The following GALNT13 variants were observed in gnomAD, a reference collection of about 807,000 sequenced individuals.
The protein encoded by GALNT13 is polypeptide N-acetylgalactosaminyltransferase 13.
In GALNT13, 28 loss-of-function variants were observed where a neutral mutation model predicts 64.2. The ratio of observed to expected loss-of-function variants is 0.44; its 90% CI spans 0.32 to 0.60. GALNT13 has a LOEUF of 0.60. GALNT13 is among the 20% of genes least tolerant of loss of function. The pLI, the probability that GALNT13 is intolerant of heterozygous loss-of-function variation, is 0.05. For synonymous variants in GALNT13, 214 were observed against 224.6 expected, an observed-to-expected ratio of 0.95 and a Z score of 0.42; for missense variants, 577 against 669.8, an observed-to-expected ratio of 0.86 and a Z score of 1.53.
chr2:154,022,236 T>A (rs921850086), intron 3 of GALNT13, among the ~76,000 whole-genome samples: 1 of 152,202 alleles, frequency 6.6e-6, no homozygotes, highest in Admixed American at 6.5e-5. Context: ...TTAGGGAGGA[T>A]TCTCTCTTTT....
In GALNT13 at chr2:154,294,759, A is replaced by T. The variant is rs556228648; in HGVS notation, c.976-6650A>T. 2.6e-5 allele frequency among the ~76,000 whole-genome samples: 4 copies of T among 152,312 alleles called. No individual in the cohort carries two copies. In the South Asian group the frequency reaches 8.3e-4, roughly 32 times the overall value. Reference sequence around the variant, plus strand: ...TATGATTGGACAAAAATTAAGTGTGATCTAATGGAATTAAAGGAGGCAGGG... The same window carrying T: ...TATGATTGGACAAAAATTAAGTGTGTTCTAATGGAATTAAAGGAGGCAGGG... On this transcript the variant is annotated intron_variant, in intron 8 of 12. Transcript: ENST00000392825.
At chr2:153,572,810 T>C in the GALNT13 span, among the ~76,000 whole-genome samples, 34,140 of 151,684 alleles carry the variant, frequency 0.23, 4,224 homozygotes, top group Admixed American at 0.37. Flanking sequence ...AGTAGACACT[T>C]GATATTATTT....
the GALNT13 span, among the ~76,000 whole-genome samples, chr2:153,409,330 ATG>A: frequency 6.8e-6 from 1 of 147,222 alleles, no homozygotes; most frequent in Admixed American, 6.8e-5. Context: ...ATATATTCAT[ATG>A]TATATGTATA....
chr2:153,092,455 A>G, the GALNT13 span, among the ~76,000 whole-genome samples: 1 of 152,186 alleles, frequency 6.6e-6, no homozygotes, highest in African/African-American at 2.4e-5. Context: ...AACAAGATTC[A>G]TGCTTCCAAT....
intron 2 of GALNT13, among the ~76,000 whole-genome samples, chr2:153,910,139 A>T (rs1423118443): frequency 6.7e-6 from 1 of 150,318 alleles, no homozygotes; most frequent in African/African-American, 2.5e-5. Context: ...CTGTTCATGG[A>T]TTCAGTTTCT....
At chr2:153,172,066 G>T in the GALNT13 span, 1 of 152,346 alleles carries the variant, frequency 6.6e-6, no homozygotes, top group East Asian at 1.9e-4. Context: ...GGAAGAAAGA[G>T]GCAGAGATGA....
intron 4 of GALNT13, among the ~76,000 whole-genome samples, chr2:154,223,877 A>G (rs1688452100): frequency 6.6e-6 from 1 of 152,126 alleles, no homozygotes; most frequent in African/African-American, 2.4e-5. Flanking sequence ...TTTAGCAATT[A>G]CAACTGAAGC....
At chr2:153,984,609 C>T (rs1180425937) in intron 3 of GALNT13, among the ~76,000 whole-genome samples, 1 of 151,712 alleles carries the variant, frequency 6.6e-6, no homozygotes, top group Non-Finnish European at 1.5e-5. Flanking sequence ...GTGTAATTTA[C>T]AAACAATCAT....
At chr2:153,889,677 C>T (rs552795237) in intron 1 of GALNT13, among the ~76,000 whole-genome samples, 2 of 152,058 alleles carry the variant, frequency 1.3e-5, no homozygotes, top group African/African-American at 4.8e-5. Context: ...TAAAATGCTG[C>T]TACATTTTAA....
At chr2:154,349,784 A>G (rs1696286905) in intron 9 of GALNT13, among the ~76,000 whole-genome samples, 1 of 152,202 alleles carries the variant, frequency 6.6e-6, no homozygotes, top group Non-Finnish European at 1.5e-5. Context: ...ACTGATAAAT[A>G]AGTGCCATTC....
the GALNT13 span, among the ~76,000 whole-genome samples, chr2:153,772,342 A>G: frequency 3.3e-5 from 5 of 152,080 alleles, no homozygotes; most frequent in Non-Finnish European, 7.4e-5. Context: ...TGTCTCCTCA[A>G]GTTTTCTCCA....
the GALNT13 span, among the ~76,000 whole-genome samples, chr2:153,505,032 T>G: frequency 6.6e-6 from 1 of 152,092 alleles, no homozygotes; most frequent in African/African-American, 2.4e-5. Flanking sequence ...TATTGGCAAT[T>G]TTTTAGTTCC....
chr2:154,407,951 C>CTGTCTTAT (rs1699627295), intron 10 of GALNT13, among the ~76,000 whole-genome samples: 1 of 152,020 alleles, frequency 6.6e-6, no homozygotes, highest in South Asian at 2.1e-4. Flanking sequence ...AGTAAGTTTC[C>CTGTCTTAT]TGTCTTATTC....
intron 3 of GALNT13, among the ~76,000 whole-genome samples, chr2:153,958,049 A>T (rs1692696620): frequency 6.6e-6 from 1 of 152,214 alleles, no homozygotes; most frequent in African/African-American, 2.4e-5. Context: ...TATCTCCTGC[A>T]ATGGACACAG....
At chr2:153,583,302 T>C in the GALNT13 span, among the ~76,000 whole-genome samples, 4 of 152,326 alleles carry the variant, frequency 2.6e-5, no homozygotes, top group South Asian at 8.3e-4. Context: ...AAATTACAAT[T>C]GTTTATTACT....
the GALNT13 span, among the ~76,000 whole-genome samples, chr2:153,283,498 A>C: frequency 6.6e-6 from 1 of 152,108 alleles, no homozygotes; most frequent in Non-Finnish European, 1.5e-5. Flanking sequence ...TCCCTTAACC[A>C]TGATCTCTTC....
At chr2:153,340,267 C>T in the GALNT13 span, among the ~76,000 whole-genome samples, 1 of 152,046 alleles carries the variant, frequency 6.6e-6, no homozygotes, top group East Asian at 1.9e-4. Flanking sequence ...TCTTCATTTT[C>T]TTTTTTTCTG....
At chr2:154,195,828 A>G (rs1686850020) in intron 4 of GALNT13, among the ~76,000 whole-genome samples, 1 of 152,130 alleles carries the variant, frequency 6.6e-6, no homozygotes, top group Admixed American at 6.5e-5. Flanking sequence ...CAGTGAAGTG[A>G]TTTTGCCACT....
rs566856725 is a variant in GALNT13 at position 153,921,338 on chromosome 2, C to G, written c.-105+20331C>G. Among the ~76,000 whole-genome samples the G allele has an allele frequency of 2.6e-5, 4 of 152,170 alleles. No homozygotes were observed. In the South Asian group the frequency reaches 8.3e-4, roughly 32 times the overall value. ...GCAATAACATGGATGGAGCTGGATA[C>G]TACTATAGTAAGTAAAATAACACAG... On this transcript the variant is annotated intron_variant, in intron 2 of 12. Transcript: ENST00000392825.
Sources: allele counts gnomAD v4.1 joint callset (sites outside exome capture counted in the v4.1 genomes callset), GRCh38; gene constraint gnomAD v4.1.1; transcripts MANE v1.5; gene names NCBI Gene and HGNC (gene_info 2026-07-23, HGNC 2026-07-21).